The following SPTLC2 variants were observed in gnomAD, a reference collection of about 807,000 sequenced individuals.
SPTLC2 encodes the protein serine palmitoyltransferase long chain base subunit 2, also known as serine palmitoyltransferase 2.
In SPTLC2, 21 loss-of-function variants were observed where a neutral mutation model predicts 62.0. The observed-to-expected ratio is 0.34, with a 90% CI of 0.24 to 0.49. The LOEUF is 0.49. SPTLC2 is among the 20% of genes least tolerant of loss of function. SPTLC2 has a pLI of 0.99. For synonymous variants in SPTLC2, 261 were observed against 261.8 expected (o/e 1.00, Z 0.03); for missense variants, 511 against 713.0 (o/e 0.72, Z 3.23).
intron 9 of SPTLC2, among the ~76,000 whole-genome samples, chr14:77,534,429 T>G (rs4903594): frequency 0.23 from 35,249 of 152,012 alleles, 4,834 homozygotes; most frequent in Middle Eastern, 0.38. Flanking sequence ...GTGGATATGT[T>G]TCAGGATTTC....
At chr14:77,512,499 A>G (rs1434786252) in intron 11 of SPTLC2, 96 bp from the exon 12 acceptor site, 1 of 1,571,226 alleles carries the variant, frequency 6.4e-7, no homozygotes, top group African/African-American at 1.4e-5. Flanking sequence ...TGGCAAGATT[A>G]TCCTTCGGCA....
At chr14:77,555,169 G>A in intron 8 of SPTLC2, 131 bp downstream of exon 8, 1 of 914,772 alleles carries the variant, frequency 1.1e-6, no homozygotes, top group South Asian at 1.3e-5. Context: ...GTCACTCACT[G>A]GTATTATGAG....
At chr14:77,591,053 T>C (rs2079813351) in intron 2 of SPTLC2, among the ~76,000 whole-genome samples, 1 of 152,184 alleles carries the variant, frequency 6.6e-6, no homozygotes. Flanking sequence ...GAAAGGTTTA[T>C]TTTGAGTATA....
At position 77,584,685 on chromosome 14, in the gene SPTLC2, T is replaced by C. The variant is rs2079771293; in HGVS notation, c.328-5576A>G. ...TGCTACTAAATCAATCTGAAATACT[T>C]TGATAGCGTTCAAAGCACTTCAAGA... is the stretch of plus-strand genomic sequence containing the variant. On this transcript the variant is annotated intron_variant, in intron 2 of 11. Coordinates refer to ENST00000216484, the MANE Select transcript of SPTLC2 (RefSeq NM_004863.4). 1.3e-5 allele frequency among the ~76,000 whole-genome samples: 2 copies of C among 152,174 alleles called. 1 individual carries two copies. The highest frequency in any genetic ancestry group is 1.3e-4 in the Admixed American group (2 of 15,266).
chr14:77,534,116 C>T (rs1319165791), intron 9 of SPTLC2, among the ~76,000 whole-genome samples: 1 of 151,776 alleles, frequency 6.6e-6, no homozygotes, highest in Non-Finnish European at 1.5e-5. Flanking sequence ...TGAGAGCATG[C>T]CGCCGCACTA....
chr14:77,564,488 C>T (rs1341679430), intron 5 of SPTLC2, among the ~76,000 whole-genome samples: 1 of 151,064 alleles, frequency 6.6e-6, no homozygotes, highest in African/African-American at 2.4e-5. Flanking sequence ...TATATACATA[C>T]ATTTTCTAGC....
intron 9 of SPTLC2, among the ~76,000 whole-genome samples, chr14:77,528,325 G>A (rs563633840): frequency 7.9e-5 from 12 of 151,706 alleles, no homozygotes; most frequent in African/African-American, 2.9e-4. Context: ...TCCGCCTCCC[G>A]GGTTCAGGCA....
At chr14:77,566,724 T>G (rs1285236967) in intron 5 of SPTLC2, among the ~76,000 whole-genome samples, 1 of 152,064 alleles carries the variant, frequency 6.6e-6, no homozygotes, top group African/African-American at 2.4e-5. Context: ...CCTCCCAAAG[T>G]CCTGGGATTA....
At chr14:77,592,186 G>A (rs2079821718) in intron 2 of SPTLC2, among the ~76,000 whole-genome samples, 1 of 151,494 alleles carries the variant, frequency 6.6e-6, no homozygotes, top group African/African-American at 2.4e-5. Flanking sequence ...CCAGGCTGGA[G>A]TGCTGTGACA....
chr14:77,567,245 T>C (rs10136221), intron 5 of SPTLC2, among the ~76,000 whole-genome samples: 146,320 of 152,286 alleles, frequency 0.96, 70,559 homozygotes, highest in Middle Eastern at 1. Flanking sequence ...CGTGAGCCAC[T>C]GCGCCCGGCC....
At chr14:77,597,899 G>A (rs886219506) in intron 1 of SPTLC2, among the ~76,000 whole-genome samples, 9 of 151,362 alleles carry the variant, frequency 5.9e-5, no homozygotes, top group East Asian at 1.9e-4. Context: ...CGAGGCGGAC[G>A]AATCACCTGA....
chr14:77,540,931 C>T (rs935658201), intron 9 of SPTLC2, among the ~76,000 whole-genome samples: 2 of 152,164 alleles, frequency 1.3e-5, no homozygotes, highest in African/African-American at 4.8e-5. Flanking sequence ...ATAATCTGTT[C>T]ACAGAACCAA....
intron 8 of SPTLC2, among the ~76,000 whole-genome samples, chr14:77,553,969 C>A (rs1011543957): frequency 1.3e-5 from 2 of 151,988 alleles, no homozygotes; most frequent in South Asian, 4.1e-4. Flanking sequence ...CATGTGCCAC[C>A]ACCACACCCA....
chr14:77,541,015 TTTTATTTATTTA>T (rs34700249), intron 9 of SPTLC2, among the ~76,000 whole-genome samples: 158 of 148,098 alleles, frequency 1.1e-3, no homozygotes, highest in African/African-American at 3.5e-3. Context: ...TTGCAAAACA[TTTTATTTATTTA>T]TTTATTTATT....
chr14:77,552,531 C>T (rs566105049), intron 8 of SPTLC2, among the ~76,000 whole-genome samples: 197 of 152,194 alleles, frequency 1.3e-3, no homozygotes, highest in African/African-American at 4.5e-3. Context: ...TATGGCCGTG[C>T]ATGGTGGCTC....
intron 2 of SPTLC2, among the ~76,000 whole-genome samples, chr14:77,588,996 C>CAAAAA (rs60536883): frequency 4.4e-4 from 33 of 74,600 alleles, no homozygotes; most frequent in African/African-American, 7.1e-4. Flanking sequence ...GACCTTGTCT[C>CAAAAA]AAAAAAAAAA....
intron 10 of SPTLC2, 131 bp downstream of exon 10, chr14:77,521,315 G>C: frequency 1.8e-6 from 2 of 1,110,002 alleles, no homozygotes; most frequent in Admixed American, 1.7e-5. Flanking sequence ...TTTGATCTAT[G>C]GCATATGTAC....
rs117973236 is a variant in SPTLC2, at chr14:77,575,822, C to T, written c.631+945G>A. On this transcript the variant is annotated intron_variant, in intron 4 of 11. Transcript: ENST00000216484. ...TGCTGGGATTATAGGCATGAGCCTC[C>T]GTGCCTGGCTTCAGTCAGGTATCTT... 5.5e-4 allele frequency among the ~76,000 whole-genome samples: 83 copies of T among 152,160 alleles called. No individual in the cohort carries two copies. The East Asian group carries it at 5.6e-3, about 10-fold the overall frequency.
intron 9 of SPTLC2, among the ~76,000 whole-genome samples, chr14:77,522,195 ACT>A (rs1361228561): frequency 6.7e-6 from 1 of 150,026 alleles, no homozygotes; most frequent in African/African-American, 2.5e-5. Context: ...ACGGTGTCTC[ACT>A]CTGTCGCCCA....
Sources: gnomAD v4.1 joint callset for allele counts (sites outside exome capture counted in the v4.1 genomes callset) on GRCh38, gnomAD v4.1.1 for gene constraint, MANE v1.5 for transcripts, NCBI Gene and HGNC (gene_info 2026-07-23, HGNC 2026-07-21) for gene names.